The following PSD2 variants were observed in gnomAD, a reference collection of about 807,000 sequenced individuals.
PSD2 encodes the protein PH and SEC7 domain-containing protein 2.
A neutral mutation model predicts 69.8 loss-of-function variants in PSD2; 38 were observed. The ratio of observed to expected loss-of-function variants is 0.54; its 90% confidence interval spans 0.42 to 0.71. PSD2 has a LOEUF of 0.71. Among genes scored for constraint, PSD2 ranks in the 30% least tolerant of loss-of-function variants. The probability of loss-of-function intolerance (pLI) is 0.00; values close to 1 mark genes in which losing one functional copy is unlikely to be tolerated. For synonymous variants in PSD2, 412 were observed against 423.0 expected (o/e 0.97, Z 0.32); for missense variants, 943 against 1,014.5 (o/e 0.93, Z 0.96).
chr5:139,823,464 G>C (rs926282045), intron 7 of PSD2, among the ~76,000 whole-genome samples: 2 of 152,176 alleles, frequency 1.3e-5, no homozygotes, highest in Non-Finnish European at 2.9e-5. Context: ...GCTAGGTAGG[G>C]AATATCTCAG....
At chr5:139,821,732 G>T (rs1473153501) in intron 5 of PSD2, among the ~76,000 whole-genome samples, 161 bp from the exon 6 acceptor site, 2 of 152,196 alleles carry the variant, frequency 1.3e-5, no homozygotes, top group Non-Finnish European at 2.9e-5. Flanking sequence ...TGGCCATCCT[G>T]GGGGCCAGGG....
chr5:139,776,408 G>A, the PSD2 span, among the ~76,000 whole-genome samples: 1 of 152,240 alleles, frequency 6.6e-6, no homozygotes, highest in Non-Finnish European at 1.5e-5. Context: ...GGCATCCTGA[G>A]GCCCAGAGAG....
chr5:139,826,671 C>T lies in PSD2; in HGVS notation c.1269+3887C>T, dbSNP rs1760429541. ...TTAGTTAAGGTCACAAAAAACGTAA[C>T]ACCCACTAGCTTTAAAAATGACAGC... is the stretch of plus-strand genomic sequence containing the variant. On this transcript the variant is annotated intron_variant, in intron 7 of 14. Transcript: ENST00000274710. 2.0e-5 allele frequency among the ~76,000 whole-genome samples: 3 copies of T among 152,180 alleles called. 1 individual carries two copies. In the South Asian group the frequency reaches 6.2e-4, roughly 32 times the overall value.
Position 139,814,504 on chromosome 5 carries a change from G to T in PSD2, c.1016+140G>T. The T allele has an allele frequency of 1.4e-6, 1 of 716,560 alleles. No individual in the cohort carries two copies. The highest frequency in any genetic ancestry group is 2.2e-6 in the Non-Finnish European group (1 of 460,592). 44.4% of individuals were successfully genotyped at this position (716,560 alleles called of 1,614,324 possible). A position where few individuals can be genotyped will look rare whatever the true frequency, so the allele number is the denominator to read the frequency against. On this transcript the variant is annotated intron_variant, in intron 4 of 14. Coordinates refer to ENST00000274710, the MANE Select transcript of PSD2 (RefSeq NM_032289.4). The surrounding 1 kb of genome is among the most constrained non-coding windows in gnomAD (Gnocchi z 4.4). The stretch of plus-strand genomic sequence containing the variant: ...CAGTTCCCCAAGGACACCTCCTCCC[G>T]CCACTGTCCTCATTCCTGGCCTCGC...
chr5:139,809,265 G>A (rs1021703994), intron 1 of PSD2, 126 bp from the exon 2 acceptor site: 18 of 727,062 alleles, frequency 2.5e-5, no homozygotes, highest in Admixed American at 6.0e-5. Context: ...GAAGGGCCCC[G>A]AGGAGGTCAT....
chr5:139,757,777 G>A, the PSD2 span, among the ~76,000 whole-genome samples: 1 of 152,288 alleles, frequency 6.6e-6, no homozygotes, highest in Non-Finnish European at 1.5e-5. Flanking sequence ...TTTCACCTCT[G>A]TCCTCTCCCC....
At chr5:139,840,265 A>T in intron 14 of PSD2, 95 bp downstream of exon 14, 1 of 1,371,756 alleles carries the variant, frequency 7.3e-7, no homozygotes, top group East Asian at 2.3e-5. Flanking sequence ...AAGCCTAGTG[A>T]TAAAGGGGCT....
Position 139,814,190 on chromosome 5 carries a change from G to T in PSD2, c.842G>T (p.Gly281Val). The T allele has an allele frequency of 6.2e-7, 1 of 1,613,476 alleles. No homozygotes were observed. The change falls in exon 4 of 15, where the codon GGC (glycine) becomes GTC (valine). Residue 281 changes from glycine (G) to valine (V), a missense_variant. Gly to Val is a moderately radical substitution (Grantham distance 109). Transcript: ENST00000274710. The surrounding 1 kb of genome is among the most constrained non-coding windows in gnomAD (Gnocchi z 4.4). ...TGCAGTGACCCCAGCCTGAAGGATG[G>T]CCTGTCAGACTCAGACTCTGAGCTC... ...NSASDPSLKDGLSDSDSELSS... is the reference protein window; with the variant it reads ...NSASDPSLKDVLSDSDSELSS...
intron 1 of PSD2, among the ~76,000 whole-genome samples, chr5:139,798,817 T>C (rs1274331803): frequency 2.6e-5 from 4 of 152,250 alleles, no homozygotes; most frequent in African/African-American, 9.6e-5. Flanking sequence ...ATCATCCAGT[T>C]TAACCTAACA....
chr5:139,837,383 C>A lies in PSD2; in HGVS notation c.1665+145C>A. 1.1e-6 allele frequency: 1 copy of A among 903,598 alleles called. No homozygotes were observed. The highest frequency in any genetic ancestry group is 1.7e-6 in the Non-Finnish European group (1 of 592,170). 56.0% of individuals were successfully genotyped at this position (903,598 alleles called of 1,614,324 possible). On this transcript the variant is annotated intron_variant, in intron 11 of 14. Transcript: ENST00000274710. This position sits in a 1 kb window ranked among gnomAD's most constrained non-coding sequence, Gnocchi z 5.0. ...TCCCCAGACTTGGGCCCTCTCAGGG[C>A]TTTGGAGGTTTTTGGGAGAACTTGG... is the stretch of plus-strand genomic sequence containing the variant.
chr5:139,789,077 C>T, the PSD2 span, among the ~76,000 whole-genome samples: 1 of 152,220 alleles, frequency 6.6e-6, no homozygotes, highest in Non-Finnish European at 1.5e-5. Flanking sequence ...CTCCCTGCCC[C>T]GGCTCCTGAC....
chr5:139,813,723 T>A lies in PSD2; in HGVS notation c.786T>A (p.Asp262Glu). The change falls in exon 3 of 15, where the codon GAT (aspartate) becomes GAA (glutamate). Residue 262 changes from aspartate (D) to glutamate (E), a missense_variant. Coordinates refer to ENST00000274710, the MANE Select transcript of PSD2 (RefSeq NM_032289.4). ...GCCCAGGGGGGGATGAGGATGATGA[T>A]GAGGAGGACACGGACAAGTTGCTGA... ...PQGPGGDEDDDEEDTDKLLNS... is the reference protein window; with the variant it reads ...PQGPGGDEDDEEEDTDKLLNS... 1 of 1,611,814 alleles carries A rather than the reference T, an allele frequency of 6.2e-7. No individual in the cohort carries two copies. The highest frequency in any genetic ancestry group is 8.5e-7 in the Non-Finnish European group (1 of 1,178,872).
At chr5:139,766,875 CTTTCT>C in the PSD2 span, among the ~76,000 whole-genome samples, 1 of 150,212 alleles carries the variant, frequency 6.7e-6, no homozygotes, top group African/African-American at 2.4e-5. Flanking sequence ...TTCTTTCTTT[CTTTCT>C]TTCTTTCCTT....
At chr5:139,773,255 ACCTTCCTT>A in the PSD2 span, among the ~76,000 whole-genome samples, 1 of 150,052 alleles carries the variant, frequency 6.7e-6, no homozygotes, top group Non-Finnish European at 1.5e-5. Context: ...CTTTCTTCCT[ACCTTCCTT>A]CCTTTCTTCC....
the PSD2 span, among the ~76,000 whole-genome samples, chr5:139,742,807 G>A: frequency 9.2e-5 from 14 of 152,302 alleles, no homozygotes; most frequent in African/African-American, 2.2e-4. Context: ...CGGGGGAGCC[G>A]GGCTCAGGGA....
At chr5:139,771,706 C>G in the PSD2 span, among the ~76,000 whole-genome samples, 2 of 152,164 alleles carry the variant, frequency 1.3e-5, no homozygotes, top group Non-Finnish European at 2.9e-5. Context: ...AACATTCTTC[C>G]CAGCTGGTGC....
chr5:139,772,302 T>C, the PSD2 span, among the ~76,000 whole-genome samples: 6 of 152,194 alleles, frequency 3.9e-5, no homozygotes, highest in Non-Finnish European at 8.8e-5. Flanking sequence ...CTTCTTTATA[T>C]TGTGGCTAAT....
the PSD2 span, among the ~76,000 whole-genome samples, chr5:139,766,500 A>G: frequency 1.8e-4 from 27 of 152,196 alleles, no homozygotes; most frequent in Middle Eastern, 3.4e-3. Context: ...TGTATGGGGG[A>G]AATGGATGGA....
intron 7 of PSD2, among the ~76,000 whole-genome samples, chr5:139,828,018 T>C (rs1760473139): frequency 6.6e-6 from 1 of 151,214 alleles, no homozygotes; most frequent in Non-Finnish European, 1.5e-5. Context: ...GTATTTGAAA[T>C]GGGGGTTTTG....
Sources: allele counts gnomAD v4.1 joint callset (sites outside exome capture counted in the v4.1 genomes callset), GRCh38; gene constraint gnomAD v4.1.1; non-coding constraint Gnocchi (gnomAD v3.1); transcripts MANE v1.5; gene names NCBI Gene and HGNC (gene_info 2026-07-23, HGNC 2026-07-21).